The following NUP107 variants were observed in gnomAD, a reference collection of about 807,000 sequenced individuals.
The protein encoded by NUP107 is nucleoporin 107.
A neutral mutation model predicts 141.0 loss-of-function variants in NUP107; 101 were observed. The ratio of observed to expected loss-of-function variants is 0.72; its 90% CI spans 0.61 to 0.84. NUP107 has a LOEUF of 0.84. NUP107 is among the 40% of genes least tolerant of loss of function. The pLI, the probability that NUP107 is intolerant of heterozygous loss-of-function variation, is 0.00. For synonymous variants in NUP107, 319 were observed against 363.9 expected (o/e 0.88, Z 1.41); for missense variants, 941 against 1,102.7 (o/e 0.85, Z 2.08).
At chr12:68,718,869 T>C (rs986120662) in intron 12 of NUP107, among the ~76,000 whole-genome samples, 2 of 151,698 alleles carry the variant, frequency 1.3e-5, no homozygotes, top group African/African-American at 4.9e-5. Flanking sequence ...TATGTATGTA[T>C]GTATGTATGT....
chr12:68,728,101 A>G (rs544750762), intron 20 of NUP107, among the ~76,000 whole-genome samples: 163 of 152,158 alleles, frequency 1.1e-3, no homozygotes, highest in Non-Finnish European at 1.8e-3. Context: ...TGGGCAACAT[A>G]GGGAGACCCT....
At position 68,733,553 on chromosome 12, in the gene NUP107, C is replaced by G. The variant is rs770583282; in HGVS notation, c.2203C>G (p.Pro735Ala). 8 of 1,613,256 alleles carry G rather than the reference C, an allele frequency of 5.0e-6. No individual in the cohort carries two copies. In the Admixed American group the frequency reaches 1.0e-4, roughly 20 times the overall value. ...GTGCGAGGAACAAGGAATGGAAAGT[C>G]CACTTCCTGCTGAAGATGATAATGC... is the stretch of plus-strand genomic sequence containing the variant. ...NQCEEQGMES[P>A]LPAEDDNAIR... The change falls in exon 24 of 28, where the codon CCA (proline) becomes GCA (alanine). Residue 735 changes from proline (P) to alanine (A), a missense_variant. Pro to Ala is a conservative substitution (Grantham distance 27). Transcript: ENST00000229179.
chr12:68,713,491 A>C (rs145464932), intron 10 of NUP107, among the ~76,000 whole-genome samples: 167 of 152,254 alleles, frequency 1.1e-3, no homozygotes, highest in African/African-American at 3.2e-3. Flanking sequence ...CCTAGTAAAA[A>C]GGGCAAAAAT....
intron 8 of NUP107, chr12:68,706,998 G>A (rs542736154): frequency 6.4e-6 from 4 of 626,700 alleles, no homozygotes; most frequent in African/African-American, 5.5e-5. Context: ...AGCTCCACCA[G>A]GGCTGTGATT....
chr12:68,692,994 C>T (rs1875884850), intron 5 of NUP107, among the ~76,000 whole-genome samples: 1 of 152,036 alleles, frequency 6.6e-6, no homozygotes, highest in Admixed American at 6.6e-5. Flanking sequence ...GGGTGATCCA[C>T]CCGCCTTGGC....
intron 1 of NUP107, 128 bp downstream of exon 1, chr12:68,687,201 C>T: frequency 7.5e-7 from 1 of 1,329,838 alleles, no homozygotes; most frequent in Non-Finnish European, 1.1e-6. Flanking sequence ...AAGGCTCCTT[C>T]CCCATGCCGG....
chr12:68,741,668 A>G, intron 26 of NUP107, 145 bp from the exon 27 acceptor site: 1 of 604,506 alleles, frequency 1.7e-6, no homozygotes, highest in Non-Finnish European at 2.9e-6. Context: ...ACCTCTCTGT[A>G]GTCTACGTTG....
intron 26 of NUP107, among the ~76,000 whole-genome samples, chr12:68,737,617 A>AT (rs1313371320): frequency 6.6e-6 from 1 of 151,716 alleles, no homozygotes; most frequent in Admixed American, 6.6e-5. Context: ...ATGATACACC[A>AT]TTTTGTTTCA....
chr12:68,723,393 C>A (rs2136034844), intron 17 of NUP107, among the ~76,000 whole-genome samples: 1 of 152,096 alleles, frequency 6.6e-6, no homozygotes, highest in Non-Finnish European at 1.5e-5. Flanking sequence ...CAGAGCAAGG[C>A]CCTGTCTCAA....
chr12:68,742,617 A>AG lies in NUP107; in HGVS notation c.*158dup. 1 of 410,084 alleles carries AG rather than the reference A, an allele frequency of 2.4e-6. No homozygotes were observed. Among genetic ancestry groups the AG allele is most frequent in the East Asian group, 4.0e-5 (1 of 25,284 alleles). 25.4% of individuals were successfully genotyped at this position (410,084 alleles called of 1,614,324 possible). ...TATTATCGTGACACTTTCAACATGT[A>AG]GGGATATCAGCGTTTCTCTGTGTGC... On this transcript the variant is annotated 3_prime_UTR_variant, in exon 28 of 28. Coordinates refer to ENST00000229179, the MANE Select transcript of NUP107 (RefSeq NM_020401.4).
In NUP107 at chr12:68,705,640, A is replaced by G. The variant is rs559354915; in HGVS notation, c.729+2856A>G. 82 of 560,214 alleles carry G rather than the reference A, an allele frequency of 1.5e-4. 4 individuals carry two copies. The highest frequency in any genetic ancestry group is 1.1e-3 in the South Asian group (71 of 65,134). 34.7% of individuals were successfully genotyped at this position (560,214 alleles called of 1,614,324 possible). A position where few individuals can be genotyped will look rare whatever the true frequency, so the allele number is the denominator to read the frequency against. Reference sequence around the variant, plus strand: ...CTTCACTCCTGCCTCCACCATGTCCATCAGAGTGACCCAGAAGTCCTTCAA... The same window carrying G: ...CTTCACTCCTGCCTCCACCATGTCCGTCAGAGTGACCCAGAAGTCCTTCAA... On this transcript the variant is annotated intron_variant, in intron 8 of 27. Transcript: ENST00000229179.
chr12:68,741,854 A>C lies in NUP107; in HGVS notation c.2544A>C (p.Leu848Phe). 1.2e-6 allele frequency: 2 copies of C among 1,614,068 alleles called. No homozygotes were observed. The highest frequency in any genetic ancestry group is 2.7e-5 in the African/African-American group (2 of 75,048). Residue 848 changes from leucine to phenylalanine, a missense_variant, in exon 27 of 28, where the codon TTA becomes TTC. Physicochemically the swap from Leu to Phe is conservative, Grantham distance 22 (BLOSUM62 0). Coordinates refer to ENST00000229179, the MANE Select transcript of NUP107 (RefSeq NM_020401.4). ...EDHERTHQMVLLRKLCLPMLC... is the reference protein window; with the variant it reads ...EDHERTHQMVFLRKLCLPMLC... ...ATGAAAGAACACATCAAATGGTCTT[A>C]CTGAGAAAGCTTTGTCTGCCAATGT...
chr12:68,687,898 C>G (rs1008533884), intron 1 of NUP107: 2 of 155,154 alleles, frequency 1.3e-5, no homozygotes, highest in Admixed American at 1.3e-4. Flanking sequence ...ATACAAGAAC[C>G]AAATTGCCAA....
At chr12:68,729,042 T>C (rs1162872636) in intron 20 of NUP107, among the ~76,000 whole-genome samples, 1 of 152,124 alleles carries the variant, frequency 6.6e-6, no homozygotes, top group Admixed American at 6.5e-5. Flanking sequence ...GGGTTTATAG[T>C]ATTGCACTAA....
chr12:68,702,423 C>G (rs1474688906), intron 7 of NUP107, among the ~76,000 whole-genome samples: 1 of 151,926 alleles, frequency 6.6e-6, no homozygotes, highest in Non-Finnish European at 1.5e-5. Context: ...CCGTGCCCTG[C>G]CTAACTTTTT....
At chr12:68,714,023 T>C in intron 11 of NUP107, 4 of 501,142 alleles carry the variant, frequency 8.0e-6, no homozygotes, top group Middle Eastern at 5.1e-4. Context: ...GTGGAAAGTA[T>C]ACTTAACTTG....
At chr12:68,706,927 C>T in intron 8 of NUP107, 1 of 701,834 alleles carries the variant, frequency 1.4e-6, no homozygotes, top group East Asian at 2.6e-5. Flanking sequence ...GCCCTGGCCT[C>T]AGCTACAGCC....
Position 68,719,426 on chromosome 12 carries a change from A to G in NUP107, c.1169A>G (p.Asn390Ser). 3.1e-6 allele frequency: 5 copies of G among 1,613,354 alleles called. No individual in the cohort carries two copies. Among genetic ancestry groups the G allele is most frequent in the Non-Finnish European group, 4.2e-6 (5 of 1,179,372 alleles). ...GWKLYHDPNV[N>S]GGTELEPVEG... Reference sequence around the variant, plus strand: ...AAACTGTACCATGACCCTAATGTTAATGGAGGTATTTTAGTAGATTTTATT... The same window carrying G: ...AAACTGTACCATGACCCTAATGTTAGTGGAGGTATTTTAGTAGATTTTATT... Residue 390 changes from asparagine (N) to serine (S), a missense_variant, in exon 13 of 28, where the codon AAT (asparagine) becomes AGT (serine). Physicochemically the swap from Asn to Ser is conservative, Grantham distance 46. Coordinates refer to ENST00000229179, the MANE Select transcript of NUP107 (RefSeq NM_020401.4).
intron 23 of NUP107, 64 bp downstream of exon 23, chr12:68,732,803 C>T: frequency 8.8e-7 from 1 of 1,140,392 alleles, no homozygotes; most frequent in South Asian, 1.4e-5. Context: ...CCTCAGCCTC[C>T]CAAGTAGCTG....
Sources: gnomAD v4.1 joint callset for allele counts (sites outside exome capture counted in the v4.1 genomes callset) on GRCh38, gnomAD v4.1.1 for gene constraint, MANE v1.5 for transcripts, NCBI Gene and HGNC (gene_info 2026-07-23, HGNC 2026-07-21) for gene names.